The following RAB30 variants were observed in gnomAD, a reference collection of about 807,000 sequenced individuals.
RAB30 encodes the protein RAB30, member RAS oncogene family.
Under a neutral mutation model 25.1 loss-of-function variants are expected in RAB30, and 9 were observed. The ratio of observed to expected loss-of-function variants is 0.36; its 90% CI spans 0.22 to 0.63. The LOEUF (loss-of-function observed/expected upper bound fraction) is 0.63, where lower values mean the gene tolerates loss of function less well. Among genes scored for constraint, RAB30 ranks in the 20% least tolerant of loss-of-function variants. RAB30 has a pLI of 0.69. For missense variants in RAB30, 140 were observed against 243.5 expected, an observed-to-expected ratio of 0.58 and a Z score of 2.83; for synonymous variants, 77 against 86.4, an observed-to-expected ratio of 0.89 and a Z score of 0.60.
Position 83,003,293 on chromosome 11 carries a change from T to A in RAB30, c.-8-5969A>T, listed in dbSNP as rs994044314. 4.6e-5 allele frequency among the ~76,000 whole-genome samples: 7 copies of A among 152,326 alleles called. No individual in the cohort carries two copies. The East Asian group carries it at 1.2e-3, about 25-fold the overall frequency. On this transcript the variant is annotated intron_variant, in intron 1 of 4. Transcript: ENST00000527633. ...TTTCCCACCATTCTGACAAAAGTCA[T>A]ATATATTGATTGCAGAAAATACAGA...
intron 2 of RAB30, 54 bp downstream of exon 2, chr11:82,997,170 C>T (rs1390708283): frequency 3.4e-6 from 5 of 1,467,194 alleles, no homozygotes; most frequent in Middle Eastern, 1.7e-4. Flanking sequence ...ACCCCTCAGG[C>T]TAGACTGACA....
intron 1 of RAB30, among the ~76,000 whole-genome samples, chr11:83,012,920 C>T (rs1255597560): frequency 1.3e-5 from 2 of 152,174 alleles, no homozygotes; most frequent in African/African-American, 2.4e-5. Context: ...TCCCTTCACA[C>T]CTTTACTCAC....
intron 2 of RAB30, among the ~76,000 whole-genome samples, chr11:82,996,325 T>C (rs749857875): frequency 7.2e-5 from 11 of 152,174 alleles, no homozygotes; most frequent in Non-Finnish European, 1.5e-4. Context: ...GGGAGGTAAC[T>C]TACCCAGGCT....
chr11:82,998,940 A>T (rs1425663044), intron 1 of RAB30, among the ~76,000 whole-genome samples: 1 of 152,170 alleles, frequency 6.6e-6, no homozygotes, highest in Non-Finnish European at 1.5e-5. Flanking sequence ...AGGAGAGCCC[A>T]ATTAGCTGAA....
Position 82,978,725 on chromosome 11 carries a change from T to C in RAB30, c.*3440A>G, listed in dbSNP as rs1049719940. ...AATTCTGTGGGAATCACCAGTGTCCTCCCAAGGCATATATTCATGAATGAA... is the reference window on the plus strand; with the variant it reads ...AATTCTGTGGGAATCACCAGTGTCCCCCCAAGGCATATATTCATGAATGAA... On this transcript the variant is annotated 3_prime_UTR_variant, in exon 5 of 5. Coordinates refer to ENST00000527633, the MANE Select transcript of RAB30 (RefSeq NM_001286060.2). 6.6e-6 allele frequency: 1 copy of C among 152,170 alleles called. No homozygotes were observed. The highest frequency in any genetic ancestry group is 2.4e-5 in the African/African-American group (1 of 41,444). The allele number at this position is 152,170 out of a possible 1,614,324, so 9.4% of individuals were successfully genotyped here. A position where few individuals can be genotyped will look rare whatever the true frequency, so the allele number is the denominator to read the frequency against.
At chr11:83,050,269 A>C (rs1590875514) in intron 1 of RAB30, among the ~76,000 whole-genome samples, 1 of 151,672 alleles carries the variant, frequency 6.6e-6, no homozygotes, top group East Asian at 1.9e-4. Flanking sequence ...AAAAAAAAAG[A>C]CTTTAATAAT....
chr11:83,007,270 A>G (rs1857204239), intron 1 of RAB30, among the ~76,000 whole-genome samples: 1 of 152,206 alleles, frequency 6.6e-6, no homozygotes, highest in East Asian at 1.9e-4. Context: ...TGGCATGAAC[A>G]CATGCCATGG....
At chr11:83,038,295 A>G (rs1482650086) in intron 1 of RAB30, among the ~76,000 whole-genome samples, 1 of 152,194 alleles carries the variant, frequency 6.6e-6, no homozygotes, top group Non-Finnish European at 1.5e-5. Flanking sequence ...AGTGACTCCT[A>G]GTTCATTTCT....
chr11:82,995,118 C>T (rs1390469410), intron 2 of RAB30, among the ~76,000 whole-genome samples: 5 of 152,230 alleles, frequency 3.3e-5, no homozygotes, highest in African/African-American at 1.2e-4. Context: ...AAGAACTCTT[C>T]ACCCAGTTTC....
chr11:82,986,187 C>T (rs936412345), intron 4 of RAB30, among the ~76,000 whole-genome samples: 2 of 152,132 alleles, frequency 1.3e-5, no homozygotes, highest in African/African-American at 4.8e-5. Flanking sequence ...TGAATTAATA[C>T]AACCTCTGAG....
intron 1 of RAB30, among the ~76,000 whole-genome samples, chr11:83,014,538 C>T (rs1857371991): frequency 6.6e-6 from 1 of 151,172 alleles, no homozygotes; most frequent in South Asian, 2.1e-4. Context: ...AGACTAAGAC[C>T]TCTTTCCTTT....
At chr11:83,001,046 CAAA>C (rs1181057652) in intron 1 of RAB30, among the ~76,000 whole-genome samples, 30 of 53,638 alleles carry the variant, frequency 5.6e-4, no homozygotes, top group Admixed American at 4.2e-3. Context: ...GACTCCGTCT[CAAA>C]AAAAAAAAAA....
chr11:83,063,002 CAAAAAA>C (rs34529308), intron 1 of RAB30, among the ~76,000 whole-genome samples: 2 of 101,790 alleles, frequency 2.0e-5, no homozygotes, highest in African/African-American at 6.5e-5. Flanking sequence ...GACTCCGTCT[CAAAAAA>C]AAAAAAAAAA....
chr11:83,060,846 C>T (rs1283793576), intron 1 of RAB30, among the ~76,000 whole-genome samples: 5 of 152,134 alleles, frequency 3.3e-5, no homozygotes, highest in Admixed American at 6.5e-5. Flanking sequence ...AGAACCACCA[C>T]CAATGTTGGT....
At chr11:83,035,043 T>C (rs1434577925) in intron 1 of RAB30, among the ~76,000 whole-genome samples, 3 of 151,812 alleles carry the variant, frequency 2.0e-5, no homozygotes, top group African/African-American at 4.8e-5. Flanking sequence ...CTAATATTTT[T>C]ACATGCACCG....
chr11:83,032,434 C>A (rs1368032141), intron 1 of RAB30, among the ~76,000 whole-genome samples: 3 of 152,168 alleles, frequency 2.0e-5, no homozygotes, highest in Non-Finnish European at 4.4e-5. Flanking sequence ...AGAGAGTAGA[C>A]AAACAGCTTC....
chr11:83,057,869 G>A (rs1858488673), intron 1 of RAB30, among the ~76,000 whole-genome samples: 1 of 152,136 alleles, frequency 6.6e-6, no homozygotes, highest in South Asian at 2.1e-4. Context: ...ATATGCCACA[G>A]GCCAATTTTA....
chr11:83,054,478 T>C (rs187993518), intron 1 of RAB30, among the ~76,000 whole-genome samples: 3 of 152,330 alleles, frequency 2.0e-5, no homozygotes, highest in Admixed American at 1.3e-4. Flanking sequence ...CCTGGTCTAA[T>C]ACAGGCCTTC....
At position 82,977,121 on chromosome 11, in the gene RAB30, T is replaced by G. The variant is rs1856558459; in HGVS notation, c.*5044A>C. 6.6e-6 allele frequency: 1 copy of G among 152,220 alleles called. No individual in the cohort carries two copies. Among genetic ancestry groups the G allele is most frequent in the African/African-American group, 2.4e-5 (1 of 41,466 alleles). The allele number at this position is 152,220 out of a possible 1,614,324, so 9.4% of individuals were successfully genotyped here. A position where few individuals can be genotyped will look rare whatever the true frequency, so the allele number is the denominator to read the frequency against. Reference sequence around the variant, plus strand: ...AAAATCTTGAAAGAGACACCCATTATTTATTAAACAGAGCAAGGCCTATGT... The same window carrying G: ...AAAATCTTGAAAGAGACACCCATTAGTTATTAAACAGAGCAAGGCCTATGT... On this transcript the variant is annotated 3_prime_UTR_variant, in exon 5 of 5. Transcript: ENST00000527633.
Sources: allele counts gnomAD v4.1 joint callset (sites outside exome capture counted in the v4.1 genomes callset), GRCh38; gene constraint gnomAD v4.1.1; transcripts MANE v1.5; gene names NCBI Gene and HGNC (gene_info 2026-07-23, HGNC 2026-07-21).